Variants in OLA1 observed in about 807,000 individuals in gnomAD.
OLA1 encodes obg-like ATPase 1.
OLA1 carries 14 observed loss-of-function variants against 48.4 expected under a neutral mutation model. The observed-to-expected ratio is 0.29, with a 90% CI of 0.19 to 0.45. The LOEUF is 0.45. Ranked by LOEUF, OLA1 falls within the 20% of genes least tolerant of loss-of-function variation. The probability of loss-of-function intolerance (pLI) is 1.00; values close to 1 mark genes in which losing one functional copy is unlikely to be tolerated. For synonymous variants in OLA1, 127 were observed against 150.4 expected, an observed-to-expected ratio of 0.84 and a Z score of 1.14; for missense variants, 325 against 467.1, an observed-to-expected ratio of 0.70 and a Z score of 2.80.
At chr2:174,124,265 C>T (rs1036574504) in intron 5 of OLA1, 1 of 146,274 alleles carries the variant, frequency 6.8e-6, no homozygotes. Flanking sequence ...CTCCATTACA[C>T]AATGGCAAGA....
chr2:174,163,021 G>A (rs1687049964), intron 4 of OLA1, among the ~76,000 whole-genome samples: 1 of 152,090 alleles, frequency 6.6e-6, no homozygotes, highest in Admixed American at 6.5e-5. Context: ...TCCAGCCTGG[G>A]CAACAGAGTG....
At chr2:174,106,766 C>T (rs1685521711) in intron 7 of OLA1, among the ~76,000 whole-genome samples, 1 of 152,122 alleles carries the variant, frequency 6.6e-6, no homozygotes, top group Non-Finnish European at 1.5e-5. Flanking sequence ...TAGTGTGATG[C>T]TATGCACTGG....
chr2:174,195,546 T>C (rs1687863037), intron 4 of OLA1, among the ~76,000 whole-genome samples: 1 of 152,178 alleles, frequency 6.6e-6, no homozygotes, highest in South Asian at 2.1e-4. Flanking sequence ...AACCAAGCAG[T>C]GAAAAAGAAA....
chr2:174,161,364 A>G (rs1687007532), intron 4 of OLA1, among the ~76,000 whole-genome samples: 1 of 152,230 alleles, frequency 6.6e-6, no homozygotes, highest in African/African-American at 2.4e-5. Flanking sequence ...ACTAGCATAA[A>G]GAAAAATACA....
chr2:174,246,862 A>G (rs1689136843), intron 1 of OLA1, 47 bp from the exon 2 acceptor site: 1 of 1,114,656 alleles, frequency 9.0e-7, no homozygotes, highest in Non-Finnish European at 1.4e-6. Context: ...TACTATCCAC[A>G]TGGACCCAAA....
chr2:174,124,720 A>G (rs1284632314), intron 5 of OLA1, among the ~76,000 whole-genome samples: 2 of 152,232 alleles, frequency 1.3e-5, no homozygotes, highest in Admixed American at 1.3e-4. Context: ...ATTGTAACAC[A>G]ATTATTAGTA....
intron 4 of OLA1, among the ~76,000 whole-genome samples, chr2:174,181,129 A>T (rs1314285384): frequency 1.3e-5 from 2 of 149,940 alleles, no homozygotes; most frequent in African/African-American, 2.5e-5. Flanking sequence ...AACAAATAAT[A>T]AAAAAAAACA....
chr2:174,200,395 G>C (rs1687966194), intron 4 of OLA1, among the ~76,000 whole-genome samples: 1 of 152,026 alleles, frequency 6.6e-6, no homozygotes, highest in Non-Finnish European at 1.5e-5. Flanking sequence ...AAGGATAGTT[G>C]AGTGAGAAAG....
chr2:174,125,430 C>G (rs775330680), intron 5 of OLA1, among the ~76,000 whole-genome samples: 5 of 151,900 alleles, frequency 3.3e-5, no homozygotes, highest in Non-Finnish European at 7.4e-5. Flanking sequence ...TGTAGAGACA[C>G]GCAACAAGAT....
At chr2:174,100,175 A>G (rs1685359241) in intron 7 of OLA1, among the ~76,000 whole-genome samples, 1 of 152,230 alleles carries the variant, frequency 6.6e-6, no homozygotes, top group African/African-American at 2.4e-5. Context: ...AGCAATGAAA[A>G]TATGTGGAAA....
At chr2:174,086,695 G>A (rs1020215235) in intron 7 of OLA1, among the ~76,000 whole-genome samples, 1 of 152,192 alleles carries the variant, frequency 6.6e-6, no homozygotes, top group East Asian at 1.9e-4. Context: ...TGGGCAGGTC[G>A]CATCCACAGT....
intron 10 of OLA1, among the ~76,000 whole-genome samples, chr2:174,077,058 AT>A (rs920552162): frequency 1.3e-5 from 2 of 152,038 alleles, no homozygotes; most frequent in African/African-American, 4.8e-5. Context: ...CATTTAATCC[AT>A]TTCCACTGCT....
intron 4 of OLA1, among the ~76,000 whole-genome samples, chr2:174,148,258 T>C (rs1049584450): frequency 6.6e-6 from 1 of 152,024 alleles, no homozygotes; most frequent in East Asian, 1.9e-4. Context: ...CTTGGTGGCA[T>C]GCGCCTGTGG....
At chr2:174,129,798 T>C (rs1412691494) in intron 5 of OLA1, among the ~76,000 whole-genome samples, 1 of 152,170 alleles carries the variant, frequency 6.6e-6, no homozygotes, top group East Asian at 1.9e-4. Context: ...CTGTCCACCA[T>C]CTGTAATCCT....
chr2:174,142,832 C>A (rs12623617), intron 4 of OLA1, among the ~76,000 whole-genome samples: 19,632 of 152,104 alleles, frequency 0.13, 1,457 homozygotes, highest in East Asian at 0.21. Context: ...TGAACAAATA[C>A]TAAGAAATAT....
intron 4 of OLA1, among the ~76,000 whole-genome samples, chr2:174,159,008 C>T (rs1250270706): frequency 2.0e-5 from 3 of 152,142 alleles, no homozygotes; most frequent in Non-Finnish European, 4.4e-5. Context: ...CTGAACAGAA[C>T]CACTACACTT....
At chr2:174,247,824 TTCTC>T (rs1327053786) in intron 1 of OLA1, 12 of 1,541,136 alleles carry the variant, frequency 7.8e-6, no homozygotes, top group Non-Finnish European at 1.1e-5. Context: ...AGTCGAAACT[TTCTC>T]TGTCCCTTAC....
chr2:174,213,624 GAA>G (rs2105443018), intron 4 of OLA1, among the ~76,000 whole-genome samples: 1 of 152,280 alleles, frequency 6.6e-6, no homozygotes, highest in East Asian at 1.9e-4. Flanking sequence ...GAGCCCTAGA[GAA>G]AAAGTTAGTG....
chr2:174,142,864 T>A (rs143558199), intron 4 of OLA1, among the ~76,000 whole-genome samples: 1 of 152,194 alleles, frequency 6.6e-6, no homozygotes, highest in African/African-American at 2.4e-5. Flanking sequence ...AGCAATGATA[T>A]ATCCACCAAA....
Sources: allele counts gnomAD v4.1 joint callset (sites outside exome capture counted in the v4.1 genomes callset), GRCh38; gene constraint gnomAD v4.1.1; transcripts MANE v1.5; gene names NCBI Gene and HGNC (gene_info 2026-07-23, HGNC 2026-07-21).